Variants in NETO2 observed in about 807,000 individuals in gnomAD.
NETO2 encodes the protein neuropilin and tolloid-like protein 2.
In NETO2, 28 loss-of-function variants were observed where a neutral mutation model predicts 62.5. That is an observed-to-expected ratio of 0.45 (90% CI 0.33 to 0.61). The LOEUF (loss-of-function observed/expected upper bound fraction) is 0.61. NETO2 is among the 20% of genes least tolerant of loss of function. The pLI is 0.02. For synonymous variants in NETO2, 214 were observed against 219.1 expected (o/e 0.98, Z 0.21); for missense variants, 548 against 643.2 (o/e 0.85, Z 1.60).
At chr16:47,138,370 A>T (rs762724955) in intron 1 of NETO2, among the ~76,000 whole-genome samples, 1 of 152,258 alleles carries the variant, frequency 6.6e-6, no homozygotes, top group East Asian at 1.9e-4. Flanking sequence ...ACTGCACTCC[A>T]GCCTGGGTGA....
chr16:47,086,632 T>C (rs1963196294), intron 7 of NETO2, among the ~76,000 whole-genome samples: 1 of 152,128 alleles, frequency 6.6e-6, no homozygotes. Flanking sequence ...TTTCCAAAAC[T>C]TTGAAAGACA....
chr16:47,139,840 G>T (rs1479659429), intron 1 of NETO2, among the ~76,000 whole-genome samples: 1 of 152,192 alleles, frequency 6.6e-6, no homozygotes, highest in Non-Finnish European at 1.5e-5. Flanking sequence ...GCTGATCTGA[G>T]ATGGCGCTTT....
intron 4 of NETO2, among the ~76,000 whole-genome samples, chr16:47,124,047 A>G (rs1443720224): frequency 6.6e-6 from 1 of 152,228 alleles, no homozygotes; most frequent in Non-Finnish European, 1.5e-5. Flanking sequence ...TAGAGACTCA[A>G]TTCCTGTTAA....
At chr16:47,131,075 A>G (rs895022212) in intron 2 of NETO2, among the ~76,000 whole-genome samples, 5 of 131,154 alleles carry the variant, frequency 3.8e-5, no homozygotes, top group East Asian at 4.8e-4. Context: ...ATTAAAACAG[A>G]AAAAAAAAAA....
rs1198672295 is a variant in NETO2 at position 47,080,769 on chromosome 16, CTG to C, written c.*2450_*2451del. On this transcript the variant is annotated 3_prime_UTR_variant, in exon 9 of 9. Coordinates refer to ENST00000562435, the MANE Select transcript of NETO2 (RefSeq NM_018092.5). ...TAGACGACATTAAGTTGTGCCTTCA[CTG>C]GGTTAAGAAGCACCATTATAACCTC... 5.3e-5 allele frequency: 8 copies of C among 152,198 alleles called. No individual in the cohort carries two copies. The highest frequency in any genetic ancestry group is 4.8e-5 in the African/African-American group (2 of 41,460). The allele number at this position is 152,198 out of a possible 1,614,324, so 9.4% of individuals were successfully genotyped here. A position where few individuals can be genotyped will look rare whatever the true frequency, so the allele number is the denominator to read the frequency against.
At chr16:47,135,046 T>C (rs1039457253) in intron 1 of NETO2, among the ~76,000 whole-genome samples, 1 of 152,242 alleles carries the variant, frequency 6.6e-6, no homozygotes, top group African/African-American at 2.4e-5. Context: ...AGGGCGAATC[T>C]GCACAGCAAT....
intron 4 of NETO2, among the ~76,000 whole-genome samples, chr16:47,127,424 T>C (rs1042291769): frequency 6.6e-6 from 1 of 152,142 alleles, no homozygotes; most frequent in African/African-American, 2.4e-5. Context: ...TGCACTTATA[T>C]ATGTATCTAT....
In NETO2 at chr16:47,082,064, AAAAGTCT is replaced by A; in HGVS notation, c.*1150_*1156del. The A allele has an allele frequency of 6.6e-6, 1 of 151,100 alleles. No homozygotes were observed. Among genetic ancestry groups the A allele is most frequent in the African/African-American group, 2.4e-5 (1 of 41,510 alleles). 9.4% of individuals were successfully genotyped at this position (151,100 alleles called of 1,614,324 possible). ...AGTTTGTACAGTATCAAATAATATC[AAAAGTCT>A]AAAAAACACAATGAGCTTTTATGTT... On this transcript the variant is annotated 3_prime_UTR_variant, in exon 9 of 9. Coordinates refer to ENST00000562435, the MANE Select transcript of NETO2 (RefSeq NM_018092.5).
chr16:47,080,625 C>T lies in NETO2; in HGVS notation c.*2596G>A, dbSNP rs1039002332. 13 of 152,152 alleles carry T rather than the reference C, an allele frequency of 8.5e-5. No individual in the cohort carries two copies. The highest frequency in any genetic ancestry group is 7.9e-4 in the Admixed American group (12 of 15,268). 9.4% of individuals were successfully genotyped at this position (152,152 alleles called of 1,614,324 possible). On this transcript the variant is annotated 3_prime_UTR_variant, in exon 9 of 9. Coordinates refer to ENST00000562435, the MANE Select transcript of NETO2 (RefSeq NM_018092.5). ...TTAATAAATAAATGAGATCTAATGCCCATCTATGATTCAATGAAGGTGTAT... is the reference window on the plus strand; with the variant it reads ...TTAATAAATAAATGAGATCTAATGCTCATCTATGATTCAATGAAGGTGTAT...
intron 8 of NETO2, 81 bp from the exon 9 acceptor site, chr16:47,083,882 G>C (rs886812586): frequency 9.0e-7 from 1 of 1,113,646 alleles, no homozygotes; most frequent in African/African-American, 1.6e-5. Flanking sequence ...GGTATTTTTA[G>C]GTAAAACAGA....
chr16:47,125,198 T>C (rs1964130501), intron 4 of NETO2, among the ~76,000 whole-genome samples: 1 of 152,216 alleles, frequency 6.6e-6, no homozygotes, highest in African/African-American at 2.4e-5. Context: ...ATTTAGTTAA[T>C]AAAAATAAAA....
intron 7 of NETO2, 92 bp from the exon 8 acceptor site, chr16:47,086,431 T>A (rs1963191980): frequency 1.3e-6 from 1 of 789,244 alleles, no homozygotes; most frequent in Non-Finnish European, 2.1e-6. Context: ...GAGTACTTTC[T>A]TACCGCAAAG....
chr16:47,086,396 A>T, intron 7 of NETO2, 57 bp from the exon 8 acceptor site: 1 of 1,116,754 alleles, frequency 9.0e-7, no homozygotes, highest in Non-Finnish European at 1.4e-6. Flanking sequence ...ATTTTATTTC[A>T]TACATAACAA....
intron 7 of NETO2, among the ~76,000 whole-genome samples, chr16:47,091,252 C>T (rs1963307265): frequency 6.6e-6 from 1 of 152,056 alleles, no homozygotes. Context: ...CTATTGCAGC[C>T]TTACAATTTA....
intron 6 of NETO2, among the ~76,000 whole-genome samples, chr16:47,122,337 A>T (rs1488631709): frequency 6.6e-6 from 1 of 152,170 alleles, no homozygotes; most frequent in African/African-American, 2.4e-5. Flanking sequence ...GCTGTTAATG[A>T]ATCTATAATC....
intron 1 of NETO2, among the ~76,000 whole-genome samples, chr16:47,138,942 G>A (rs1014864774): frequency 6.6e-6 from 1 of 152,242 alleles, no homozygotes; most frequent in African/African-American, 2.4e-5. Flanking sequence ...CTTCGGCCTA[G>A]AATCTCTTTG....
intron 7 of NETO2, among the ~76,000 whole-genome samples, chr16:47,089,402 T>G (rs1439362204): frequency 6.6e-6 from 1 of 152,214 alleles, no homozygotes; most frequent in Non-Finnish European, 1.5e-5. Context: ...CTTCCTCTTT[T>G]AAAATGAAGG....
At position 47,122,696 on chromosome 16, in the gene NETO2, A is replaced by C. The variant is rs1247747282; in HGVS notation, c.615T>G (p.Val205=). 4 of 1,614,052 alleles carry C rather than the reference A, an allele frequency of 2.5e-6. No homozygotes were observed. In the East Asian group the frequency reaches 8.9e-5, roughly 36 times the overall value. The part of the protein sequence containing the change: ...QEEKTKPGQA[V]DCIWTIKATP... ...TGGCTTTAATGGTCCAGATGCAATC[A>C]ACGGCTTGGCCTGGTTTTGTTTTCT... is the stretch of plus-strand genomic sequence containing the variant. The change falls in exon 6 of 9, where the codon GTT becomes GTG. Residue 205 remains valine, a synonymous_variant. Coordinates refer to ENST00000562435, the MANE Select transcript of NETO2 (RefSeq NM_018092.5).
chr16:47,143,290 G>A (rs1006656992), intron 1 of NETO2, among the ~76,000 whole-genome samples: 4 of 152,032 alleles, frequency 2.6e-5, no homozygotes, highest in South Asian at 2.1e-4. Flanking sequence ...GGAGGGCCCT[G>A]CTGGGCCCAG....
Sources: allele counts gnomAD v4.1 joint callset (sites outside exome capture counted in the v4.1 genomes callset), GRCh38; gene constraint gnomAD v4.1.1; transcripts MANE v1.5; gene names NCBI Gene and HGNC (gene_info 2026-07-23, HGNC 2026-07-21).